HSPG2: variants seen among roughly 807,000 people sequenced by gnomAD.
HSPG2 encodes the protein basement membrane-specific heparan sulfate proteoglycan core protein.
In HSPG2, 278 loss-of-function variants were observed where a neutral mutation model predicts 526.6. That is an observed-to-expected ratio of 0.53 (90% CI 0.48 to 0.58). The LOEUF (loss-of-function observed/expected upper bound fraction) is 0.58. HSPG2 is among the 20% of genes least tolerant of loss of function. The pLI is 0.00. For synonymous variants in HSPG2, 2,465 were observed against 2,555.4 expected, an observed-to-expected ratio of 0.96 and a Z score of 1.07; for missense variants, 5,354 against 6,099.5, an observed-to-expected ratio of 0.88 and a Z score of 4.07.
Position 21,876,385 on chromosome 1 carries a change from C to G in HSPG2, c.2847G>C (p.Glu949Asp), listed in dbSNP as rs773662857. 1 of 1,611,376 alleles carries G rather than the reference C, an allele frequency of 6.2e-7. No homozygotes were observed. The highest frequency in any genetic ancestry group is 1.1e-5 in the South Asian group (1 of 90,550). The change falls in exon 23 of 97, where the codon GAG becomes GAC. Residue 949 changes from glutamate to aspartate, a missense_variant. Transcript: ENST00000374695. ...SRAQLHGASE[E>D]PGHFSLTNAA... ...CGTTGGTCAGGCTGAAGTGACCAGG[C>G]TCCTCAGAGGCCCCATGCAACTGGG... is the stretch of plus-strand genomic sequence containing the variant.
At position 21,884,641 on chromosome 1, in the gene HSPG2, T is replaced by C; in HGVS notation, c.1541A>G (p.His514Arg). 4 of 1,611,890 alleles carry C rather than the reference T, an allele frequency of 2.5e-6. No individual in the cohort carries two copies. The highest frequency in any genetic ancestry group is 2.2e-5 in the South Asian group (2 of 91,030). Residue 514 changes from histidine to arginine, a missense_variant, in exon 13 of 97, where the codon CAC becomes CGC. Coordinates refer to ENST00000374695, the MANE Select transcript of HSPG2 (RefSeq NM_005529.7). ...GAAGCAGGGCAGGCAGGCGGCGCTGTGCTCCAGGTAGAAGTGGCCGTCAGG... is the reference window on the plus strand; with the variant it reads ...GAAGCAGGGCAGGCAGGCGGCGCTGCGCTCCAGGTAGAAGTGGCCGTCAGG... ...PCPDGHFYLE[H>R]SAACLPCFCF... is the part of the protein sequence containing the mutation.
rs765891530 is a variant in HSPG2 at position 21,856,975 on chromosome 1, G to C, written c.5575+40C>G. ...TGCTAATTCTGGTGGGAATGGGGGA[G>C]AGACAGGAGGGGAGAATCAGGTATA... On this transcript the variant is annotated intron_variant, in intron 44 of 96. Transcript: ENST00000374695. 3.1e-6 allele frequency: 5 copies of C among 1,592,548 alleles called. No individual in the cohort carries two copies. The East Asian group carries it at 8.9e-5, about 28-fold the overall frequency.
rs180840122 is a variant in HSPG2, at chr1:21,830,100, C to T, written c.11672-9G>A. ...GTCGGGCCCACAGGCCTCTGGGGGG[C>T]ACATAGGCCAGTGAAAAGACACGGA... On this transcript the variant is annotated splice_polypyrimidine_tract_variant and intron_variant, in intron 85 of 96. Coordinates refer to ENST00000374695, the MANE Select transcript of HSPG2 (RefSeq NM_005529.7). 4.4e-6 allele frequency: 7 copies of T among 1,584,452 alleles called. No individual in the cohort carries two copies. The Admixed American group carries it at 1.2e-4, about 28-fold the overall frequency.
chr1:21,855,562 C>G lies in HSPG2; in HGVS notation c.5815G>C (p.Ala1939Pro), dbSNP rs145474376. Residue 1939 changes from alanine to proline, a missense_variant, in exon 46 of 97, where the codon GCT becomes CCT. Coordinates refer to ENST00000374695, the MANE Select transcript of HSPG2 (RefSeq NM_005529.7). ...AQYLCRAHSS[A>P]GQQVARAVLH... ...ACAGCCCTGGCCACCTGCTGCCCAG[C>G]GCTGCTGTGGGCTCGGCACAAGTAC... 2 of 1,601,982 alleles carry G rather than the reference C, an allele frequency of 1.2e-6. No homozygotes were observed. Among genetic ancestry groups the G allele is most frequent in the East Asian group, 4.5e-5 (2 of 44,534 alleles).
chr1:21,913,308 T>A (rs1240373127), intron 1 of HSPG2, among the ~76,000 whole-genome samples: 1 of 152,124 alleles, frequency 6.6e-6, no homozygotes, highest in Non-Finnish European at 1.5e-5. Flanking sequence ...CCCTCCAGCC[T>A]GTCTTCAAGC....
chr1:21,911,752 G>T (rs1453599600), intron 1 of HSPG2, among the ~76,000 whole-genome samples: 1 of 152,186 alleles, frequency 6.6e-6, no homozygotes, highest in Non-Finnish European at 1.5e-5. Context: ...AGGCCCTTCA[G>T]GAAACGTCCC....
chr1:21,841,928 C>G (rs951610756), intron 69 of HSPG2, 74 bp downstream of exon 69: 2 of 1,590,786 alleles, frequency 1.3e-6, no homozygotes, highest in Non-Finnish European at 1.7e-6. Context: ...TTCTGCCCCA[C>G]CCTTGCACAG....
At position 21,865,029 on chromosome 1, in the gene HSPG2, G is replaced by T; in HGVS notation, c.4440C>A (p.His1480Gln). The change falls in exon 36 of 97, where the codon CAC becomes CAA. Residue 1480 changes from histidine (H) to glutamine (Q), a missense_variant. By Grantham distance (24) the His-to-Gln change is conservative. Transcript: ENST00000374695. This position sits in a 1 kb window ranked among gnomAD's most constrained non-coding sequence, Gnocchi z 5.4. The part of the protein sequence containing the change: ...RPDGQPATRE[H>Q]LLMALADLDE... ...CCAGGTCGGCCAGTGCCATCAGGAGGTGCTCGCGTGTGGCCGGCTGCCCAT... is the reference window on the plus strand; with the variant it reads ...CCAGGTCGGCCAGTGCCATCAGGAGTTGCTCGCGTGTGGCCGGCTGCCCAT... The T allele has an allele frequency of 6.4e-7, 1 of 1,573,434 alleles. No homozygotes were observed. Among genetic ancestry groups the T allele is most frequent in the Non-Finnish European group, 8.6e-7 (1 of 1,162,198 alleles).
chr1:21,857,005 G>A lies in HSPG2; in HGVS notation c.5575+10C>T, dbSNP rs1639394056. Reference sequence around the variant, plus strand: ...AGGAGGGGAGAATCAGGTATAGATGGGAGGTGTACCCTGCACATGTAGAGT... The same window carrying A: ...AGGAGGGGAGAATCAGGTATAGATGAGAGGTGTACCCTGCACATGTAGAGT... On this transcript the variant is annotated intron_variant, in intron 44 of 96. Transcript: ENST00000374695. The A allele has an allele frequency of 1.2e-6, 2 of 1,613,642 alleles. No individual in the cohort carries two copies. Among genetic ancestry groups the A allele is most frequent in the African/African-American group, 1.3e-5 (1 of 74,904 alleles).
At chr1:21,909,947 C>G (rs368671450) in intron 1 of HSPG2, among the ~76,000 whole-genome samples, 3 of 152,242 alleles carry the variant, frequency 2.0e-5, no homozygotes, top group African/African-American at 4.8e-5. Flanking sequence ...AGGCTCCCCC[C>G]TCAGCTGCAC....
chr1:21,837,707 G>A (rs1000035048), intron 74 of HSPG2, among the ~76,000 whole-genome samples: 2 of 152,118 alleles, frequency 1.3e-5, no homozygotes, highest in Admixed American at 6.5e-5. Flanking sequence ...GATGGGAGGC[G>A]GGGGCTGATG....
chr1:21,924,877 T>C (rs1644142958), intron 1 of HSPG2, among the ~76,000 whole-genome samples: 1 of 152,198 alleles, frequency 6.6e-6, no homozygotes, highest in South Asian at 2.1e-4. Flanking sequence ...TCAGACTTGC[T>C]CTTTAAGCCC....
chr1:21,927,493 G>T (rs1644232271), intron 1 of HSPG2, among the ~76,000 whole-genome samples: 1 of 149,072 alleles, frequency 6.7e-6, no homozygotes, highest in Admixed American at 6.8e-5. Context: ...GTGTAGGCCA[G>T]GGGGGGACAG....
rs559645316 is a variant in HSPG2, at chr1:21,936,101, C to G, written c.63+1054G>C. Among the ~76,000 whole-genome samples the G allele has an allele frequency of 2.6e-5, 4 of 152,146 alleles. No individual in the cohort carries two copies. In the East Asian group the frequency reaches 7.7e-4, roughly 29 times the overall value. On this transcript the variant is annotated intron_variant, in intron 1 of 96. Transcript: ENST00000374695. ...ACAGGGAGGCAGGTATGGGGACTGCCTAGGAGCACCTCGGAGAGAGTGGGG... is the reference window on the plus strand; with the variant it reads ...ACAGGGAGGCAGGTATGGGGACTGCGTAGGAGCACCTCGGAGAGAGTGGGG...
chr1:21,829,239 A>T, intron 87 of HSPG2, 144 bp downstream of exon 87: 1 of 1,344,282 alleles, frequency 7.4e-7, no homozygotes, highest in East Asian at 2.5e-5. Context: ...ATTGGCCTCA[A>T]GTGACACAGA....
intron 1 of HSPG2, among the ~76,000 whole-genome samples, chr1:21,897,051 T>C (rs1291266686): frequency 1.3e-5 from 2 of 152,164 alleles, no homozygotes; most frequent in Admixed American, 1.3e-4. Context: ...CTGCAAACTA[T>C]GTGGGCCGGA....
chr1:21,849,085 G>A (rs1217305226), intron 57 of HSPG2, 54 bp from the exon 58 acceptor site: 13 of 1,595,010 alleles, frequency 8.2e-6, no homozygotes, highest in East Asian at 6.7e-5. Flanking sequence ...TGCGGCTCAC[G>A]CCAAGCTCCT....
rs1376672933 is a variant in HSPG2, at chr1:21,848,831, G to A, written c.7586-37C>T. 2 of 1,613,210 alleles carry A rather than the reference G, an allele frequency of 1.2e-6. No individual in the cohort carries two copies. The highest frequency in any genetic ancestry group is 1.1e-5 in the South Asian group (1 of 91,080). ...AGATGTAAGGCAGGGTGTGGGAGCT[G>A]CTGAGGGTGCAGTCGGGGTCCCCCA... On this transcript the variant is annotated intron_variant, in intron 58 of 96. Coordinates refer to ENST00000374695, the MANE Select transcript of HSPG2 (RefSeq NM_005529.7). The surrounding 1 kb of genome is among the most constrained non-coding windows in gnomAD (Gnocchi z 4.9).
chr1:21,905,313 C>T (rs892742182), intron 1 of HSPG2, among the ~76,000 whole-genome samples: 5 of 145,030 alleles, frequency 3.4e-5, no homozygotes, highest in Admixed American at 1.5e-4. Context: ...TACTGTGCTC[C>T]CCCAACTCCC....
Sources: allele counts gnomAD v4.1 joint callset (sites outside exome capture counted in the v4.1 genomes callset), GRCh38; gene constraint gnomAD v4.1.1; non-coding constraint Gnocchi (gnomAD v3.1); transcripts MANE v1.5; gene names NCBI Gene and HGNC (gene_info 2026-07-23, HGNC 2026-07-21).